The following BEND7 variants were observed in gnomAD, a reference collection of about 807,000 sequenced individuals.
The protein encoded by BEND7 is BEN domain-containing protein 7.
In BEND7, 28 loss-of-function variants were observed where a neutral mutation model predicts 50.9. The observed-to-expected ratio is 0.55, with a 90% CI of 0.41 to 0.75. The LOEUF (loss-of-function observed/expected upper bound fraction) is 0.75. Among genes scored for constraint, BEND7 ranks in the 30% least tolerant of loss-of-function variants. The pLI is 0.00. For missense variants in BEND7, 477 were observed against 491.3 expected (o/e 0.97, Z 0.28); for synonymous variants, 170 against 183.9 (o/e 0.92, Z 0.61).
chr10:13,455,040 C>T (rs1420468184), intron 6 of BEND7, among the ~76,000 whole-genome samples: 1 of 152,080 alleles, frequency 6.6e-6, no homozygotes, highest in African/African-American at 2.4e-5. Flanking sequence ...GGCATGGTGG[C>T]ACGCGCCTGC....
At chr10:13,513,552 C>A (rs905502955) in intron 2 of BEND7, among the ~76,000 whole-genome samples, 5 of 152,212 alleles carry the variant, frequency 3.3e-5, no homozygotes, top group African/African-American at 1.2e-4. Flanking sequence ...CCTCCCACAG[C>A]TGATTCGTCA....
chr10:13,511,022 A>G (rs2078237975), intron 2 of BEND7, among the ~76,000 whole-genome samples: 1 of 152,206 alleles, frequency 6.6e-6, no homozygotes, highest in South Asian at 2.1e-4. Flanking sequence ...TACTTAAAAA[A>G]TACGAAAATT....
chr10:13,466,624 C>G (rs544509582), intron 6 of BEND7, among the ~76,000 whole-genome samples: 1 of 152,008 alleles, frequency 6.6e-6, no homozygotes, highest in South Asian at 2.1e-4. Flanking sequence ...TCGTATAACT[C>G]ATTTATTTAT....
intron 2 of BEND7, among the ~76,000 whole-genome samples, chr10:13,513,539 CT>C (rs1162526357): frequency 2.0e-5 from 3 of 152,160 alleles, no homozygotes; most frequent in African/African-American, 7.2e-5. Context: ...TCCTCCTCCC[CT>C]CCCTCCCACA....
upstream of BEND7, among the ~76,000 whole-genome samples, chr10:13,529,345 C>A (rs7077582): frequency 9.5e-3 from 1,437 of 151,990 alleles, 20 homozygotes; most frequent in South Asian, 0.017. Flanking sequence ...CGGACCGCCC[C>A]GACAACCACC....
chr10:13,514,781 A>C lies in BEND7; in HGVS notation c.145+11357T>G, dbSNP rs141275376. ...TAAAGTCTTGCTAGTAATTGAAAAA[A>C]TTATCTATGTGCAATGAGAATGAGT... is the stretch of plus-strand genomic sequence containing the variant. On this transcript the variant is annotated intron_variant, in intron 2 of 8. Coordinates refer to ENST00000466271, the MANE Select transcript of BEND7 (RefSeq NM_001369863.1). Among the ~76,000 whole-genome samples the C allele has an allele frequency of 4.3e-4, 65 of 152,328 alleles. 1 individual carries two copies. The highest frequency in any genetic ancestry group is 1.4e-3 in the African/African-American group (60 of 41,576).
intron 5 of BEND7, among the ~76,000 whole-genome samples, chr10:13,492,085 T>C: frequency 6.6e-6 from 1 of 152,052 alleles, no homozygotes. Context: ...GATATTAAAA[T>C]AGAAAAACCT....
intron 2 of BEND7, among the ~76,000 whole-genome samples, chr10:13,524,508 G>T (rs2079300054): frequency 6.6e-6 from 1 of 152,028 alleles, no homozygotes; most frequent in Non-Finnish European, 1.5e-5. Context: ...GCCAAGCGTG[G>T]TGGCAGGTGC....
chr10:13,474,638 C>T (rs948299532), intron 6 of BEND7, among the ~76,000 whole-genome samples: 9 of 151,768 alleles, frequency 5.9e-5, no homozygotes, highest in Non-Finnish European at 7.4e-5. Context: ...CTGTTGGACT[C>T]GGGTCGATAC....
intron 6 of BEND7, among the ~76,000 whole-genome samples, chr10:13,455,121 G>A (rs912097581): frequency 1.9e-4 from 29 of 151,826 alleles, no homozygotes; most frequent in Middle Eastern, 3.4e-3. Context: ...GCAGTGAGCC[G>A]AGAACGCACC....
upstream of BEND7, chr10:13,529,051 G>C (rs1188145535): frequency 2.8e-5 from 4 of 145,200 alleles, no homozygotes; most frequent in Non-Finnish European, 6.1e-5. Context: ...CCGCCCCCGC[G>C]GGAGGAGGGG....
chr10:13,466,850 C>T (rs1327002585), intron 6 of BEND7, among the ~76,000 whole-genome samples: 1 of 152,144 alleles, frequency 6.6e-6, no homozygotes, highest in Non-Finnish European at 1.5e-5. Context: ...CAAAGTCATT[C>T]CATGAGGCGC....
chr10:13,440,705 C>T (rs936847336), downstream of BEND7, among the ~76,000 whole-genome samples: 3 of 152,186 alleles, frequency 2.0e-5, no homozygotes, highest in Non-Finnish European at 1.5e-5. Flanking sequence ...TGCAGCCGCT[C>T]AGCATCGGAG....
At chr10:13,509,583 T>C (rs1310116495) in intron 2 of BEND7, among the ~76,000 whole-genome samples, 1 of 152,152 alleles carries the variant, frequency 6.6e-6, no homozygotes, top group Non-Finnish European at 1.5e-5. Context: ...TTTCAGGAAT[T>C]ACAGAGAGAA....
chr10:13,457,128 CCT>C (rs1441767535), intron 6 of BEND7, among the ~76,000 whole-genome samples: 6 of 152,196 alleles, frequency 3.9e-5, no homozygotes, highest in Non-Finnish European at 8.8e-5. Context: ...CATAGCAACC[CCT>C]CTTTTCTTGG....
chr10:13,490,846 C>T (rs2076604717), intron 5 of BEND7, among the ~76,000 whole-genome samples: 1 of 152,118 alleles, frequency 6.6e-6, no homozygotes, highest in Non-Finnish European at 1.5e-5. Context: ...CTCTGTCACC[C>T]AGGTTGGAGT....
chr10:13,490,839 T>C (rs773251412), intron 5 of BEND7, among the ~76,000 whole-genome samples: 28 of 152,160 alleles, frequency 1.8e-4, no homozygotes, highest in Non-Finnish European at 2.9e-4. Flanking sequence ...AATCTCCCTC[T>C]GTCACCCAGG....
At chr10:13,487,075 G>A (rs1194876226) in intron 5 of BEND7, among the ~76,000 whole-genome samples, 1 of 152,138 alleles carries the variant, frequency 6.6e-6, no homozygotes, top group South Asian at 2.1e-4. Context: ...TCAAGGGCAG[G>A]GACTATTTCA....
At chr10:13,522,103 G>A (rs1392853998) in intron 2 of BEND7, among the ~76,000 whole-genome samples, 1 of 136,272 alleles carries the variant, frequency 7.3e-6, no homozygotes, top group Non-Finnish European at 1.6e-5. Flanking sequence ...AACAGGGCTT[G>A]GCATGGATGT....
Sources: gnomAD v4.1 joint callset for allele counts (sites outside exome capture counted in the v4.1 genomes callset) on GRCh38, gnomAD v4.1.1 for gene constraint, MANE v1.5 for transcripts, NCBI Gene and HGNC (gene_info 2026-07-23, HGNC 2026-07-21) for gene names.